F2RL1: variants seen among roughly 807,000 people sequenced by gnomAD.
F2RL1 encodes the protein F2R like trypsin receptor 1.
In F2RL1, 16 loss-of-function variants were observed where a neutral mutation model predicts 21.7. That is an observed-to-expected ratio of 0.74 (90% CI 0.50 to 1.12). F2RL1 has a LOEUF of 1.12. Ranked by LOEUF, F2RL1 falls within the 50% of genes most tolerant of loss-of-function variation. The probability of loss-of-function intolerance (pLI) is 0.00; values close to 1 mark genes in which losing one functional copy is unlikely to be tolerated. For synonymous variants in F2RL1, 181 were observed against 186.7 expected (o/e 0.97, Z 0.25); for missense variants, 432 against 477.8 (o/e 0.90, Z 0.89).
At chr5:76,822,690 C>A (rs569394355) in intron 1 of F2RL1, among the ~76,000 whole-genome samples, 2 of 152,126 alleles carry the variant, frequency 1.3e-5, no homozygotes, top group Non-Finnish European at 2.9e-5. Flanking sequence ...GAAAACAGTT[C>A]ATTCTGAAAG....
At chr5:76,832,008 T>TAAA (rs1295112161) in intron 1 of F2RL1, among the ~76,000 whole-genome samples, 4 of 133,192 alleles carry the variant, frequency 3.0e-5, no homozygotes, top group Non-Finnish European at 6.4e-5. Context: ...ACCCCATCTC[T>TAAA]AAAAAAAAAA....
At chr5:76,823,499 C>T (rs1412745063) in intron 1 of F2RL1, among the ~76,000 whole-genome samples, 2 of 151,522 alleles carry the variant, frequency 1.3e-5, no homozygotes, top group African/African-American at 2.4e-5. Flanking sequence ...CTGCCTCAGC[C>T]TCTCAAGTAG....
intron 1 of F2RL1, among the ~76,000 whole-genome samples, 161 bp from the exon 2 acceptor site, chr5:76,832,529 G>A (rs1040490166): frequency 6.6e-6 from 1 of 152,188 alleles, no homozygotes; most frequent in Non-Finnish European, 1.5e-5. Flanking sequence ...TGAGGCTGCG[G>A]TGCATTATGA....
chr5:76,819,039 C>G lies in F2RL1; in HGVS notation c.-144C>G, dbSNP rs1471075702. ...CTCCTTCGGTTTCCCTGAAACCTAA[C>G]CCGCCCTGGGGAGGCGCGCAGCAGA... On this transcript the variant is annotated 5_prime_UTR_variant, in exon 1 of 2. Coordinates refer to ENST00000296677, the MANE Select transcript of F2RL1 (RefSeq NM_005242.6). 4.4e-6 allele frequency: 3 copies of G among 676,944 alleles called. No homozygotes were observed. Among genetic ancestry groups the G allele is most frequent in the Non-Finnish European group, 4.9e-6 (2 of 409,890 alleles). The allele number at this position is 676,944 out of a possible 1,614,324, so 41.9% of individuals were successfully genotyped here.
At chr5:76,824,047 C>T (rs977943336) in intron 1 of F2RL1, among the ~76,000 whole-genome samples, 6 of 150,840 alleles carry the variant, frequency 4.0e-5, no homozygotes, top group African/African-American at 7.3e-5. Context: ...CTCCTGACCT[C>T]GTGACCCACC....
chr5:76,822,125 A>G (rs1435447641), intron 1 of F2RL1, among the ~76,000 whole-genome samples: 1 of 152,236 alleles, frequency 6.6e-6, no homozygotes, highest in Admixed American at 6.5e-5. Flanking sequence ...TATCATGTCA[A>G]TACATATAAA....
intron 1 of F2RL1, among the ~76,000 whole-genome samples, chr5:76,821,148 G>A (rs1052514756): frequency 2.6e-5 from 4 of 152,150 alleles, no homozygotes; most frequent in African/African-American, 7.2e-5. Context: ...ACTCAGCCGA[G>A]ATCACAACCT....
In F2RL1 at chr5:76,819,194, C is replaced by T. The variant is rs781063076; in HGVS notation, c.12C>T (p.Pro4=). 1.9e-6 allele frequency: 3 copies of T among 1,586,140 alleles called. No individual in the cohort carries two copies. The highest frequency in any genetic ancestry group is 2.6e-6 in the Non-Finnish European group (3 of 1,175,212). The change falls in exon 1 of 2, where the codon CCC becomes CCT. Residue 4 remains proline, a synonymous_variant. Coordinates refer to ENST00000296677, the MANE Select transcript of F2RL1 (RefSeq NM_005242.6). MRS[P]SAAWLLGAAI... ...GGGCTTCCAGGAGGATGCGGAGCCC[C>T]AGCGCGGCGTGGCTGCTGGGGGCCG...
intron 1 of F2RL1, among the ~76,000 whole-genome samples, chr5:76,823,190 T>A (rs1194070572): frequency 8.7e-5 from 13 of 149,978 alleles, no homozygotes; most frequent in Admixed American, 1.3e-4. Flanking sequence ...AGATCGTGCC[T>A]CTGCACTCCA....
chr5:76,823,483 A>AT (rs1750181370), intron 1 of F2RL1, among the ~76,000 whole-genome samples: 3 of 148,548 alleles, frequency 2.0e-5, no homozygotes, highest in Non-Finnish European at 3.0e-5. Flanking sequence ...GGTTGAAGTG[A>AT]TTCTCCTGCC....
At chr5:76,820,828 A>T (rs1168628905) in intron 1 of F2RL1, among the ~76,000 whole-genome samples, 1 of 152,136 alleles carries the variant, frequency 6.6e-6, no homozygotes, top group East Asian at 1.9e-4. Flanking sequence ...ATAGCCACTT[A>T]ATATTGCACC....
rs181651370 is a variant in F2RL1 at position 76,833,392 on chromosome 5, A to G, written c.785A>G (p.Tyr262Cys). 1.9e-6 allele frequency: 3 copies of G among 1,613,766 alleles called. No homozygotes were observed. Among genetic ancestry groups the G allele is most frequent in the Non-Finnish European group, 1.7e-6 (2 of 1,179,960 alleles). Reference protein sequence around the residue: ...LFPAFLTASAYVLMIRMLRSS... With the variant: ...LFPAFLTASACVLMIRMLRSS... ...CCAGCCTTCCTCACAGCCTCTGCCT[A>G]TGTGCTGATGATCAGAATGCTGCGA... Residue 262 changes from tyrosine (Y) to cysteine (C), a missense_variant, in exon 2 of 2, where the codon TAT becomes TGT. Transcript: ENST00000296677.
intron 1 of F2RL1, among the ~76,000 whole-genome samples, chr5:76,822,548 T>G (rs566208260): frequency 1.1e-4 from 17 of 152,320 alleles, no homozygotes; most frequent in African/African-American, 4.1e-4. Flanking sequence ...AACACTGCAA[T>G]GAACTGGAAG....
At chr5:76,823,778 T>C (rs911990869) in intron 1 of F2RL1, among the ~76,000 whole-genome samples, 2 of 151,246 alleles carry the variant, frequency 1.3e-5, no homozygotes. Context: ...TTTTACCTAA[T>C]CGATTCATAG....
At chr5:76,821,056 C>A (rs530594025) in intron 1 of F2RL1, among the ~76,000 whole-genome samples, 28 of 152,180 alleles carry the variant, frequency 1.8e-4, no homozygotes, top group Non-Finnish European at 3.5e-4. Flanking sequence ...CTTCTGCGTG[C>A]CCCTCAGGTG....
chr5:76,830,440 G>A (rs1280969507), intron 1 of F2RL1, among the ~76,000 whole-genome samples: 1 of 152,068 alleles, frequency 6.6e-6, no homozygotes, highest in African/African-American at 2.4e-5. Context: ...ACCACGCCCG[G>A]CTAATTTTTG....
At chr5:76,823,402 G>A (rs1256675467) in intron 1 of F2RL1, among the ~76,000 whole-genome samples, 4 of 138,070 alleles carry the variant, frequency 2.9e-5, no homozygotes, top group Non-Finnish European at 6.1e-5. Context: ...ATGGAGTCTC[G>A]CTGTGTCGCC....
At position 76,833,930 on chromosome 5, in the gene F2RL1, G is replaced by A; in HGVS notation, c.*129G>A. The stretch of plus-strand genomic sequence containing the variant: ...ACCATGTGGATGCAGCACCTCTCAG[G>A]ATTGCTAGGAGCTCCCCTGTTTGCA... On this transcript the variant is annotated 3_prime_UTR_variant, in exon 2 of 2. Transcript: ENST00000296677. 1 of 964,014 alleles carries A rather than the reference G, an allele frequency of 1.0e-6. No homozygotes were observed. The highest frequency in any genetic ancestry group is 1.7e-5 in the South Asian group (1 of 58,224). The allele number at this position is 964,014 out of a possible 1,614,324, so 59.7% of individuals were successfully genotyped here.
intron 1 of F2RL1, 119 bp from the exon 2 acceptor site, chr5:76,832,571 C>A: frequency 2.9e-6 from 3 of 1,030,172 alleles, no homozygotes; most frequent in Non-Finnish European, 4.1e-6. Flanking sequence ...TGGGTGACAG[C>A]GAGACCCTGT....
Sources: gnomAD v4.1 joint callset for allele counts (sites outside exome capture counted in the v4.1 genomes callset) on GRCh38, gnomAD v4.1.1 for gene constraint, MANE v1.5 for transcripts, NCBI Gene and HGNC (gene_info 2026-07-23, HGNC 2026-07-21) for gene names.